AP2B1: variants seen among roughly 807,000 people sequenced by gnomAD.
AP2B1 encodes adaptor related protein complex 2 subunit beta 1, also known as AP-2 complex subunit beta.
Under a neutral mutation model 102.0 loss-of-function variants are expected in AP2B1, and 23 were observed. The ratio of observed to expected loss-of-function variants is 0.23; its 90% confidence interval spans 0.16 to 0.32. The LOEUF (loss-of-function observed/expected upper bound fraction) is 0.32, where lower values mean the gene tolerates loss of function less well. AP2B1 is among the 10% of genes least tolerant of loss of function. AP2B1 has a pLI of 1.00. For missense variants in AP2B1, 541 were observed against 1,157.4 expected, an observed-to-expected ratio of 0.47 and a Z score of 7.73; for synonymous variants, 381 against 421.2, an observed-to-expected ratio of 0.90 and a Z score of 1.17.
At chr17:35,645,843 C>G (rs2074918465) in intron 12 of AP2B1, among the ~76,000 whole-genome samples, 11 of 152,140 alleles carry the variant, frequency 7.2e-5, no homozygotes, top group Admixed American at 5.9e-4. Flanking sequence ...GACCTAGACT[C>G]TGTCTCAAAA....
intron 13 of AP2B1, among the ~76,000 whole-genome samples, chr17:35,652,927 A>G (rs1357296094): frequency 6.6e-6 from 1 of 152,182 alleles, no homozygotes; most frequent in Non-Finnish European, 1.5e-5. Flanking sequence ...ATTTCTTGTC[A>G]GGTGTATGAA....
intron 7 of AP2B1, 116 bp from the exon 8 acceptor site, chr17:35,627,269 T>G (rs2074342620): frequency 2.5e-6 from 1 of 404,312 alleles, no homozygotes; most frequent in South Asian, 5.6e-5. Context: ...TTTTTTTTTT[T>G]GCCTGAGTGG....
chr17:35,702,404 A>C (rs879671592), intron 18 of AP2B1, among the ~76,000 whole-genome samples: 1 of 152,246 alleles, frequency 6.6e-6, no homozygotes, highest in Non-Finnish European at 1.5e-5. Flanking sequence ...GCAAAAAGCC[A>C]TGAAGTAGGA....
chr17:35,595,398 TTAG>T, intron 2 of AP2B1, among the ~76,000 whole-genome samples: 1 of 151,772 alleles, frequency 6.6e-6, no homozygotes, highest in South Asian at 2.1e-4. Context: ...AATTTAAAAA[TTAG>T]CCCTGTACGG....
At chr17:35,681,762 A>T (rs2075827462) in intron 17 of AP2B1, among the ~76,000 whole-genome samples, 1 of 152,206 alleles carries the variant, frequency 6.6e-6, no homozygotes, top group Non-Finnish European at 1.5e-5. Flanking sequence ...AAGATTTATT[A>T]AAAATGATAT....
chr17:35,587,882 G>C (rs2072948011), intron 1 of AP2B1: 1 of 152,136 alleles, frequency 6.6e-6, no homozygotes, highest in South Asian at 2.1e-4. Flanking sequence ...TCGTCTCTCG[G>C]GTAACTTGAG....
chr17:35,594,412 A>G (rs931059018), intron 2 of AP2B1, among the ~76,000 whole-genome samples: 1 of 152,232 alleles, frequency 6.6e-6, no homozygotes, highest in Non-Finnish European at 1.5e-5. Context: ...ACTTGGAAAT[A>G]AACATTTTAT....
chr17:35,599,370 G>A (rs1452108821), intron 3 of AP2B1, among the ~76,000 whole-genome samples: 3 of 152,190 alleles, frequency 2.0e-5, no homozygotes, highest in Non-Finnish European at 2.9e-5. Context: ...CAATGGATAC[G>A]TTTCAGGTTT....
chr17:35,632,397 A>G (rs2074488461), intron 9 of AP2B1, among the ~76,000 whole-genome samples: 1 of 152,180 alleles, frequency 6.6e-6, no homozygotes, highest in Admixed American at 6.5e-5. Flanking sequence ...GGCCTCCCAA[A>G]ATGCTAGGAT....
At chr17:35,703,809 A>T (rs996329753) in intron 18 of AP2B1, among the ~76,000 whole-genome samples, 1 of 152,248 alleles carries the variant, frequency 6.6e-6, no homozygotes, top group Non-Finnish European at 1.5e-5. Context: ...ACAAGCCTGC[A>T]CATGTACCCC....
chr17:35,656,750 T>C (rs896870656), intron 13 of AP2B1, among the ~76,000 whole-genome samples: 2 of 151,694 alleles, frequency 1.3e-5, no homozygotes, highest in Non-Finnish European at 2.9e-5. Flanking sequence ...CCGGGCACGG[T>C]GGTGGGCGCC....
chr17:35,678,605 C>CA (rs1418716666), intron 17 of AP2B1, among the ~76,000 whole-genome samples: 1 of 152,148 alleles, frequency 6.6e-6, no homozygotes, highest in African/African-American at 2.4e-5. Flanking sequence ...TCTGCATTTA[C>CA]TAAAATGATT....
At chr17:35,689,266 G>A (rs2075995511) in intron 18 of AP2B1, among the ~76,000 whole-genome samples, 1 of 152,098 alleles carries the variant, frequency 6.6e-6, no homozygotes, top group South Asian at 2.1e-4. Context: ...TGCAACCTCT[G>A]CCTCCCGGGT....
rs116508317 is a variant in AP2B1 at position 35,601,641 on chromosome 17, G to A, written c.143+3306G>A. On this transcript the variant is annotated intron_variant, in intron 3 of 21. Coordinates refer to ENST00000610402, the MANE Select transcript of AP2B1 (RefSeq NM_001030006.2). ...AGCTCATGGATTGTACAAAAATCCAGCATTGGGCTAGATTTAACCCACAGG... is the reference window on the plus strand; with the variant it reads ...AGCTCATGGATTGTACAAAAATCCAACATTGGGCTAGATTTAACCCACAGG... 5.2e-3 allele frequency among the ~76,000 whole-genome samples: 795 copies of A among 152,236 alleles called. 8 individuals carry two copies. Among genetic ancestry groups the A allele is most frequent in the African/African-American group, 0.018 (759 of 41,558 alleles).
chr17:35,617,823 A>G (rs2074067075), intron 5 of AP2B1, among the ~76,000 whole-genome samples: 4 of 152,308 alleles, frequency 2.6e-5, no homozygotes, highest in Admixed American at 1.3e-4. Context: ...GCTTGCTTTA[A>G]TGAATTTTAG....
intron 18 of AP2B1, among the ~76,000 whole-genome samples, chr17:35,705,662 C>T (rs1392903504): frequency 6.6e-6 from 1 of 152,116 alleles, no homozygotes; most frequent in Non-Finnish European, 1.5e-5. Context: ...GCTGGGACTA[C>T]AGGTGCATGC....
intron 12 of AP2B1, among the ~76,000 whole-genome samples, chr17:35,643,418 G>T (rs777654542): frequency 9.9e-5 from 15 of 152,116 alleles, no homozygotes; most frequent in Non-Finnish European, 2.2e-4. Flanking sequence ...GTTTTCACAA[G>T]TTCTCAACCT....
chr17:35,671,798 T>C lies in AP2B1; in HGVS notation c.2076T>C (p.Ala692=). 1 of 1,613,948 alleles carries C rather than the reference T, an allele frequency of 6.2e-7. No individual in the cohort carries two copies. The highest frequency in any genetic ancestry group is 8.5e-7 in the Non-Finnish European group (1 of 1,179,906). ...FIPSSVPATF[A]PSPTPAVVSS... is the part of the protein sequence containing the mutation. ...CATCATCGGTGCCTGCAACCTTTGC[T>C]CCTTCACCTACACCTGCTGTGGTCA... The change falls in exon 16 of 22, where the codon GCT becomes GCC. Residue 692 remains alanine, a synonymous_variant. Coordinates refer to ENST00000610402, the MANE Select transcript of AP2B1 (RefSeq NM_001030006.2).
chr17:35,675,621 T>G (rs895097112), intron 17 of AP2B1, among the ~76,000 whole-genome samples: 3 of 143,800 alleles, frequency 2.1e-5, no homozygotes, highest in Non-Finnish European at 4.5e-5. Context: ...ATCTCTAGCC[T>G]TTTTTTTTTT....
Sources: allele counts gnomAD v4.1 joint callset (sites outside exome capture counted in the v4.1 genomes callset), GRCh38; gene constraint gnomAD v4.1.1; transcripts MANE v1.5; gene names NCBI Gene and HGNC (gene_info 2026-07-23, HGNC 2026-07-21).